Variants in USP3 observed in about 807,000 individuals in gnomAD.
USP3 encodes the protein ubiquitin carboxyl-terminal hydrolase 3.
Under a neutral mutation model 72.3 loss-of-function variants are expected in USP3, and 20 were observed. The observed-to-expected ratio is 0.28, with a 90% CI of 0.19 to 0.40. USP3 has a LOEUF of 0.40. Among genes scored for constraint, USP3 ranks in the 10% least tolerant of loss-of-function variants. The pLI, the probability that USP3 is intolerant of heterozygous loss-of-function variation, is 1.00. For synonymous variants in USP3, 222 were observed against 225.3 expected, an observed-to-expected ratio of 0.99 and a Z score of 0.13; for missense variants, 479 against 633.9, an observed-to-expected ratio of 0.76 and a Z score of 2.62.
intron 8 of USP3, among the ~76,000 whole-genome samples, chr15:63,565,813 T>G (rs2066680703): frequency 6.6e-6 from 1 of 152,240 alleles, no homozygotes; most frequent in Admixed American, 6.5e-5. Context: ...TCTTTGCTGT[T>G]CTAAACAGTG....
intron 11 of USP3, among the ~76,000 whole-genome samples, chr15:63,586,110 A>C (rs551070339): frequency 6.6e-6 from 1 of 152,236 alleles, no homozygotes; most frequent in Admixed American, 6.5e-5. Context: ...AGGGTTTTAC[A>C]TGAGATCATG....
chr15:63,575,147 T>A (rs1251186016), intron 11 of USP3, among the ~76,000 whole-genome samples: 6 of 146,346 alleles, frequency 4.1e-5, no homozygotes, highest in Non-Finnish European at 8.9e-5. Flanking sequence ...TTAGGGAGTA[T>A]TGTCATGATG....
At chr15:63,507,048 G>T (rs2065722763) in intron 1 of USP3, among the ~76,000 whole-genome samples, 1 of 151,946 alleles carries the variant, frequency 6.6e-6, no homozygotes, top group South Asian at 2.1e-4. Flanking sequence ...TCATTATCTT[G>T]GAGTGTTATA....
At chr15:63,505,282 C>T (rs1165047915) in intron 1 of USP3, among the ~76,000 whole-genome samples, 2 of 152,152 alleles carry the variant, frequency 1.3e-5, no homozygotes, top group Non-Finnish European at 2.9e-5. Flanking sequence ...GAGCGCCGCT[C>T]TCCGGGCGCA....
intron 11 of USP3, among the ~76,000 whole-genome samples, chr15:63,587,112 ATTAT>A (rs2067083688): frequency 2.0e-5 from 3 of 152,072 alleles, no homozygotes; most frequent in African/African-American, 7.3e-5. Context: ...ACTTTAATAT[ATTAT>A]TTAAAGATAC....
chr15:63,537,602 C>T lies in USP3; in HGVS notation c.284+446C>T, dbSNP rs543567777. On this transcript the variant is annotated intron_variant, in intron 3 of 14. Transcript: ENST00000380324. ...TTTAAAAAAAAATTATTCTGACAGT[C>T]TCCCTTCTCCCAGTGCAGTTCCACG... is the stretch of plus-strand genomic sequence containing the variant. Among the ~76,000 whole-genome samples, 6 of 152,292 alleles carry T rather than the reference C, an allele frequency of 3.9e-5. No individual in the cohort carries two copies. The South Asian group carries it at 1.2e-3, about 32-fold the overall frequency.
chr15:63,557,502 A>G (rs946098132), intron 5 of USP3, among the ~76,000 whole-genome samples: 74 of 152,082 alleles, frequency 4.9e-4, no homozygotes, highest in African/African-American at 1.5e-3. Flanking sequence ...AGCTCAGGCA[A>G]TCCACCCACC....
chr15:63,565,887 G>A, intron 8 of USP3, among the ~76,000 whole-genome samples: 1 of 152,178 alleles, frequency 6.6e-6, no homozygotes, highest in East Asian at 1.9e-4. Context: ...CGGGCTCAAG[G>A]AAATGTTCTT....
At chr15:63,513,577 C>T (rs745635227) in intron 1 of USP3, among the ~76,000 whole-genome samples, 2 of 151,936 alleles carry the variant, frequency 1.3e-5, no homozygotes, top group Non-Finnish European at 2.9e-5. Context: ...GATAGGGTCT[C>T]GATGTTACCC....
intron 1 of USP3, among the ~76,000 whole-genome samples, chr15:63,507,194 G>A (rs2065724964): frequency 6.6e-6 from 1 of 152,014 alleles, no homozygotes; most frequent in Non-Finnish European, 1.5e-5. Flanking sequence ...TATTAAGGAG[G>A]GGAAAATCCC....
At chr15:63,521,889 A>G (rs527404880) in intron 1 of USP3, among the ~76,000 whole-genome samples, 6 of 152,348 alleles carry the variant, frequency 3.9e-5, no homozygotes, top group Non-Finnish European at 7.3e-5. Context: ...TATGAACTGT[A>G]GATCGTCAGA....
chr15:63,545,541 T>A (rs1307510667), intron 3 of USP3, among the ~76,000 whole-genome samples: 3 of 152,182 alleles, frequency 2.0e-5, no homozygotes, highest in Admixed American at 6.5e-5. Flanking sequence ...TTATCTAACA[T>A]CTCTAATATG....
chr15:63,540,617 C>T (rs1227519112), intron 3 of USP3, among the ~76,000 whole-genome samples: 2 of 152,180 alleles, frequency 1.3e-5, no homozygotes, highest in African/African-American at 4.8e-5. Context: ...CTTCATTTCC[C>T]TCCCAAGATG....
chr15:63,571,885 A>C (rs527659973), intron 9 of USP3, among the ~76,000 whole-genome samples: 1 of 152,342 alleles, frequency 6.6e-6, no homozygotes, highest in South Asian at 2.1e-4. Context: ...CCTTCAGTGC[A>C]TTGGAAAAGC....
chr15:63,549,315 C>T (rs1394546963), intron 3 of USP3, among the ~76,000 whole-genome samples: 3 of 152,202 alleles, frequency 2.0e-5, no homozygotes, highest in Non-Finnish European at 4.4e-5. Flanking sequence ...AATGGAGTAC[C>T]AAACAGTTTT....
At chr15:63,560,868 T>G (rs1483603031) in intron 7 of USP3, among the ~76,000 whole-genome samples, 2 of 152,180 alleles carry the variant, frequency 1.3e-5, no homozygotes, top group Non-Finnish European at 2.9e-5. Flanking sequence ...CCTTATATAT[T>G]TAATGTTTTC....
chr15:63,529,375 G>C lies in USP3; in HGVS notation c.92-3272G>C, dbSNP rs1007850073. Among the ~76,000 whole-genome samples, 2 of 151,956 alleles carry C rather than the reference G, an allele frequency of 1.3e-5. No individual in the cohort carries two copies. The highest frequency in any genetic ancestry group is 1.5e-5 in the Non-Finnish European group (1 of 67,996). On this transcript the variant is annotated intron_variant, in intron 1 of 14. Coordinates refer to ENST00000380324, the MANE Select transcript of USP3 (RefSeq NM_006537.4). The surrounding 1 kb of genome is among the most constrained non-coding windows in gnomAD (Gnocchi z 4.2). ...AAAGTGAACAATTCAGTGGCGTTTA[G>C]TACATCCACAATTGTTTTACAAGTA...
chr15:63,532,770 A>G, intron 2 of USP3, 63 bp downstream of exon 2: 4 of 1,545,072 alleles, frequency 2.6e-6, no homozygotes, highest in Non-Finnish European at 2.7e-6. Flanking sequence ...TTTAAGCTTT[A>G]TGTCAGAGTT....
Position 63,528,930 on chromosome 15 carries a change from T to C in USP3, c.92-3717T>C. Reference sequence around the variant, plus strand: ...GTTCTTAATTTGGATGAAGCATGTATAAACAGAGTGAATATTCCCCAAAGC... The same window carrying C: ...GTTCTTAATTTGGATGAAGCATGTACAAACAGAGTGAATATTCCCCAAAGC... On this transcript the variant is annotated intron_variant, in intron 1 of 14. Transcript: ENST00000380324. The surrounding 1 kb of genome is among the most constrained non-coding windows in gnomAD (Gnocchi z 4.3). 9.1e-7 allele frequency: 1 copy of C among 1,095,078 alleles called. No individual in the cohort carries two copies. The allele number at this position is 1,095,078 out of a possible 1,614,324, so 67.8% of individuals were successfully genotyped here. A position where few individuals can be genotyped will look rare whatever the true frequency, so the allele number is the denominator to read the frequency against.
Sources: allele counts gnomAD v4.1 joint callset (sites outside exome capture counted in the v4.1 genomes callset), GRCh38; gene constraint gnomAD v4.1.1; non-coding constraint Gnocchi (gnomAD v3.1); transcripts MANE v1.5; gene names NCBI Gene and HGNC (gene_info 2026-07-23, HGNC 2026-07-21).